ZBTB7C: variants seen among roughly 807,000 people sequenced by gnomAD.
ZBTB7C encodes the protein zinc finger and BTB domain containing 7C, also known as zinc finger and BTB domain-containing protein 7C.
In ZBTB7C, 8 loss-of-function variants were observed where a neutral mutation model predicts 25.7. That is an observed-to-expected ratio of 0.31 (90% CI 0.18 to 0.56). The LOEUF is 0.56. Ranked by LOEUF, ZBTB7C falls within the 20% of genes least tolerant of loss-of-function variation. The pLI, the probability that ZBTB7C is intolerant of heterozygous loss-of-function variation, is 0.91. For missense variants in ZBTB7C, 824 were observed against 855.2 expected, an observed-to-expected ratio of 0.96 and a Z score of 0.46; for synonymous variants, 394 against 369.0, an observed-to-expected ratio of 1.07 and a Z score of -0.78.
intron 3 of ZBTB7C, among the ~76,000 whole-genome samples, chr18:48,092,522 G>T (rs1257715327): frequency 1.3e-5 from 2 of 152,230 alleles, no homozygotes; most frequent in Non-Finnish European, 2.9e-5. Flanking sequence ...AATTGGGTGT[G>T]GAGGAGATAA....
At chr18:48,060,888 G>C (rs2037101585) in intron 3 of ZBTB7C, among the ~76,000 whole-genome samples, 1 of 152,204 alleles carries the variant, frequency 6.6e-6, no homozygotes, top group South Asian at 2.1e-4. Context: ...AGTGTCGGGG[G>C]ATCAGGTACA....
intron 4 of ZBTB7C, among the ~76,000 whole-genome samples, chr18:48,037,241 G>A (rs773922568): frequency 6.6e-6 from 1 of 152,252 alleles, no homozygotes; most frequent in Non-Finnish European, 1.5e-5. Flanking sequence ...TTCAGCTGGA[G>A]ACAGGCCTGG....
At chr18:48,336,582 A>G (rs2046462063) in intron 2 of ZBTB7C, among the ~76,000 whole-genome samples, 1 of 152,224 alleles carries the variant, frequency 6.6e-6, no homozygotes, top group South Asian at 2.1e-4. Flanking sequence ...GGCAGTGAGC[A>G]CAGTGCTCGG....
chr18:48,243,194 G>A (rs1323674120), intron 2 of ZBTB7C, among the ~76,000 whole-genome samples: 2 of 149,374 alleles, frequency 1.3e-5, no homozygotes, highest in East Asian at 2.0e-4. Flanking sequence ...AACCTGGGAG[G>A]TGGAGGTTGC....
At chr18:48,287,464 G>T (rs1020787092) in intron 2 of ZBTB7C, among the ~76,000 whole-genome samples, 1 of 151,986 alleles carries the variant, frequency 6.6e-6, no homozygotes, top group African/African-American at 2.4e-5. Flanking sequence ...AGGCCCAAAT[G>T]GTTTCACAGG....
intron 3 of ZBTB7C, among the ~76,000 whole-genome samples, chr18:48,075,997 C>G (rs1190666346): frequency 6.6e-6 from 1 of 152,252 alleles, no homozygotes; most frequent in South Asian, 2.1e-4. Flanking sequence ...TGTTCCCTCA[C>G]TCCACCCTCC....
At chr18:48,072,972 C>T (rs1376006418) in intron 3 of ZBTB7C, among the ~76,000 whole-genome samples, 1 of 152,132 alleles carries the variant, frequency 6.6e-6, no homozygotes, top group African/African-American at 2.4e-5. Flanking sequence ...CTTAGGATGA[C>T]CTGAAAGGGA....
rs568381179 is a variant in ZBTB7C, at chr18:48,187,614, C to T, written c.-78-1619G>A. ...AGATCACGAGGTCAGGAGATCGAGA[C>T]CATCCTGGCTAACACGGTGAAACCC... On this transcript the variant is annotated intron_variant, in intron 2 of 4. Coordinates refer to ENST00000590800, the MANE Select transcript of ZBTB7C (RefSeq NM_001318841.2). Among the ~76,000 whole-genome samples the T allele has an allele frequency of 2.0e-4, 31 of 152,136 alleles. No homozygotes were observed. The Middle Eastern group carries it at 0.01, about 50-fold the overall frequency.
At chr18:48,371,072 A>G (rs2047377357) in intron 1 of ZBTB7C, among the ~76,000 whole-genome samples, 1 of 152,136 alleles carries the variant, frequency 6.6e-6, no homozygotes, top group African/African-American at 2.4e-5. Context: ...GATTCTCTGC[A>G]TGTCTCAAGT....
chr18:48,227,265 ATGCTGC>A (rs781754000), intron 2 of ZBTB7C, among the ~76,000 whole-genome samples: 1 of 152,294 alleles, frequency 6.6e-6, no homozygotes, highest in East Asian at 1.9e-4. Flanking sequence ...TCCACCAGGA[ATGCTGC>A]TGCTGCTGCA....
intron 2 of ZBTB7C, among the ~76,000 whole-genome samples, chr18:48,279,010 G>A (rs2044751398): frequency 6.6e-6 from 1 of 151,356 alleles, no homozygotes; most frequent in Admixed American, 6.6e-5. Context: ...ATTTGAGACA[G>A]ACAAAGCCCT....
chr18:48,409,480 A>AGCCCCGCGCCCCGC (rs1006954760), upstream of ZBTB7C: 34 of 143,578 alleles, frequency 2.4e-4, no homozygotes, highest in Middle Eastern at 3.6e-3. Flanking sequence ...CGCGGCTGTC[A>AGCCCCGCGCCCCGC]GCCCCGCGCC....
intron 2 of ZBTB7C, among the ~76,000 whole-genome samples, chr18:48,299,137 A>G (rs1043453868): frequency 5.3e-5 from 8 of 152,326 alleles, no homozygotes; most frequent in African/African-American, 1.7e-4. Flanking sequence ...ATGGGAGGGC[A>G]TCACTTGGTA....
intron 1 of ZBTB7C, among the ~76,000 whole-genome samples, chr18:48,356,813 A>G (rs1000410698): frequency 6.6e-6 from 1 of 152,200 alleles, no homozygotes; most frequent in Admixed American, 6.5e-5. Flanking sequence ...CAAAGCAGTG[A>G]GTGACTGGCA....
intron 3 of ZBTB7C, among the ~76,000 whole-genome samples, chr18:48,051,403 T>C (rs1272590097): frequency 2.0e-5 from 3 of 152,206 alleles, no homozygotes; most frequent in South Asian, 2.1e-4. Flanking sequence ...TTCGTCTATG[T>C]AGAGGCTGCC....
intron 1 of ZBTB7C, among the ~76,000 whole-genome samples, chr18:48,346,176 A>T (rs975927162): frequency 6.6e-6 from 1 of 152,124 alleles, no homozygotes; most frequent in Admixed American, 6.5e-5. Flanking sequence ...TCGGCAAATG[A>T]CACAAACCCT....
chr18:48,313,449 G>A (rs543299166), intron 2 of ZBTB7C, among the ~76,000 whole-genome samples: 1 of 152,178 alleles, frequency 6.6e-6, no homozygotes, highest in Non-Finnish European at 1.5e-5. Flanking sequence ...AGGCAGCAGC[G>A]TTTTTAAACC....
At chr18:48,342,253 A>C (rs2046620272) in intron 1 of ZBTB7C, among the ~76,000 whole-genome samples, 1 of 152,182 alleles carries the variant, frequency 6.6e-6, no homozygotes, top group Non-Finnish European at 1.5e-5. Flanking sequence ...GAAGCTGCCC[A>C]CTCAAAGGCA....
chr18:48,395,072 C>G (rs2047990217), intron 1 of ZBTB7C, among the ~76,000 whole-genome samples: 1 of 151,662 alleles, frequency 6.6e-6, no homozygotes, highest in African/African-American at 2.4e-5. Flanking sequence ...GGAAGGGTCA[C>G]TAAGCTAGGG....
Sources: allele counts gnomAD v4.1 joint callset (sites outside exome capture counted in the v4.1 genomes callset), GRCh38; gene constraint gnomAD v4.1.1; transcripts MANE v1.5; gene names NCBI Gene and HGNC (gene_info 2026-07-23, HGNC 2026-07-21).